The following KIAA1217 variants were observed in gnomAD, a reference collection of about 807,000 sequenced individuals.
The protein encoded by KIAA1217 is KIAA1217.
Under a neutral mutation model 163.9 loss-of-function variants are expected in KIAA1217, and 88 were observed. The ratio of observed to expected loss-of-function variants is 0.54; its 90% confidence interval spans 0.45 to 0.64. The LOEUF is 0.64. Among genes scored for constraint, KIAA1217 ranks in the 30% least tolerant of loss-of-function variants. The pLI, the probability that KIAA1217 is intolerant of heterozygous loss-of-function variation, is 0.00. For missense variants in KIAA1217, 2,372 were observed against 2,475.0 expected, an observed-to-expected ratio of 0.96 and a Z score of 0.88; for synonymous variants, 903 against 923.1, an observed-to-expected ratio of 0.98 and a Z score of 0.39.
intron 1 of KIAA1217, among the ~76,000 whole-genome samples, chr10:23,918,924 C>T (rs540341326): frequency 2.0e-5 from 3 of 152,216 alleles, no homozygotes; most frequent in South Asian, 2.1e-4. Context: ...GATGTCTCCC[C>T]ATACAAGGCT....
chr10:24,045,915 G>A (rs17501909), intron 2 of KIAA1217, among the ~76,000 whole-genome samples: 5,225 of 152,042 alleles, frequency 0.034, 95 homozygotes, highest in South Asian at 0.047. Context: ...TTCACCTATG[G>A]AGAATTTTTT....
At chr10:23,951,579 G>C (rs762757290) in intron 1 of KIAA1217, among the ~76,000 whole-genome samples, 2 of 152,114 alleles carry the variant, frequency 1.3e-5, no homozygotes, top group Non-Finnish European at 2.9e-5. Context: ...CTTGAGCCTG[G>C]GACGTGGAAG....
At chr10:23,778,269 G>A (rs142558971) in intron 1 of KIAA1217, among the ~76,000 whole-genome samples, 5 of 152,190 alleles carry the variant, frequency 3.3e-5, no homozygotes, top group African/African-American at 4.8e-5. Flanking sequence ...GCAGGTAGAC[G>A]CACCAGTTGC....
chr10:23,730,123 A>C (rs565055295), intron 1 of KIAA1217, among the ~76,000 whole-genome samples: 1 of 151,990 alleles, frequency 6.6e-6, no homozygotes, highest in African/African-American at 2.4e-5. Flanking sequence ...GGTTGGTCTC[A>C]ATCTCCTGAC....
chr10:24,162,212 A>C (rs1338571567), intron 2 of KIAA1217, among the ~76,000 whole-genome samples: 1 of 152,232 alleles, frequency 6.6e-6, no homozygotes, highest in Non-Finnish European at 1.5e-5. Context: ...GGGAAAGAAC[A>C]GCCTCTGGAA....
At chr10:24,508,293 A>G (rs1049736197) in intron 9 of KIAA1217, among the ~76,000 whole-genome samples, 2 of 152,302 alleles carry the variant, frequency 1.3e-5, no homozygotes, top group African/African-American at 4.8e-5. Context: ...CATGTAACAA[A>G]ATTTAGCATC....
intron 1 of KIAA1217, among the ~76,000 whole-genome samples, chr10:23,999,120 C>T (rs901865199): frequency 5.9e-5 from 9 of 152,166 alleles, no homozygotes; most frequent in Non-Finnish European, 8.8e-5. Context: ...AAAACAACTG[C>T]ATTGCCTTTT....
intron 9 of KIAA1217, among the ~76,000 whole-genome samples, chr10:24,505,884 G>C (rs188507790): frequency 6.6e-6 from 1 of 151,944 alleles, no homozygotes; most frequent in African/African-American, 2.4e-5. Flanking sequence ...ATGAGATGGC[G>C]CCTCGTGGAA....
intron 9 of KIAA1217, among the ~76,000 whole-genome samples, chr10:24,511,923 C>T (rs912118377): frequency 1.3e-5 from 2 of 152,162 alleles, no homozygotes; most frequent in Admixed American, 1.3e-4. Context: ...CTCACCGAGT[C>T]TCCATGACCA....
intron 2 of KIAA1217, among the ~76,000 whole-genome samples, chr10:24,057,080 C>CAA (rs530272653): frequency 1.4e-5 from 2 of 144,424 alleles, no homozygotes; most frequent in African/African-American, 5.1e-5. Flanking sequence ...CCCATCTCTA[C>CAA]AAAAAAAAAA....
chr10:23,944,499 A>G (rs1843927071), intron 1 of KIAA1217, among the ~76,000 whole-genome samples: 1 of 152,142 alleles, frequency 6.6e-6, no homozygotes, highest in Non-Finnish European at 1.5e-5. Context: ...TACACAAAAC[A>G]TCTAATTAAA....
chr10:24,503,560 A>C (rs939736765), intron 9 of KIAA1217, among the ~76,000 whole-genome samples: 2 of 152,210 alleles, frequency 1.3e-5, no homozygotes, highest in African/African-American at 4.8e-5. Context: ...GATAGTAGCC[A>C]CTCAGTTCCA....
At chr10:24,191,682 C>A (rs1485870848) in intron 2 of KIAA1217, among the ~76,000 whole-genome samples, 11 of 152,150 alleles carry the variant, frequency 7.2e-5, no homozygotes, top group Admixed American at 7.2e-4. Context: ...TAGTGGGTAA[C>A]AGATTTCATT....
intron 2 of KIAA1217, among the ~76,000 whole-genome samples, chr10:24,340,974 G>A (rs369507219): frequency 3.7e-4 from 56 of 152,322 alleles, no homozygotes; most frequent in Middle Eastern, 3.4e-3. Flanking sequence ...GTTATGCGCC[G>A]ATAGTTCTCC....
At chr10:24,093,127 G>C (rs988849723) in intron 2 of KIAA1217, among the ~76,000 whole-genome samples, 1 of 151,518 alleles carries the variant, frequency 6.6e-6, no homozygotes, top group African/African-American at 2.4e-5. Flanking sequence ...ACAAGTATCT[G>C]GGACTACAGG....
chr10:23,823,394 C>A (rs186060128), intron 1 of KIAA1217, among the ~76,000 whole-genome samples: 3 of 152,224 alleles, frequency 2.0e-5, no homozygotes, highest in African/African-American at 7.2e-5. Context: ...AAGTTTGAGT[C>A]CTTCTTACGC....
intron 2 of KIAA1217, among the ~76,000 whole-genome samples, chr10:24,174,741 T>A (rs1293764269): frequency 6.6e-6 from 1 of 152,174 alleles, no homozygotes; most frequent in Non-Finnish European, 1.5e-5. Flanking sequence ...TTCAATAGGT[T>A]GTGGGGGAGC....
In KIAA1217 at chr10:23,934,049, A is replaced by G. The variant is rs781053462; in HGVS notation, c.-320-73176A>G. ...AATCCCATTCCTGGATATGCACTCA[A>G]AGAACTATAAATCATTCTACTATAA... On this transcript the variant is annotated intron_variant, in intron 1 of 18. Transcript: ENST00000376462. Among the ~76,000 whole-genome samples, 175 of 152,218 alleles carry G rather than the reference A, an allele frequency of 1.1e-3. 1 individual carries two copies. The highest frequency in any genetic ancestry group is 2.0e-3 in the Non-Finnish European group (137 of 68,040).
At chr10:23,784,868 C>T (rs1835419451) in intron 1 of KIAA1217, among the ~76,000 whole-genome samples, 1 of 152,106 alleles carries the variant, frequency 6.6e-6, no homozygotes, top group Non-Finnish European at 1.5e-5. Context: ...AGTTTCTTAA[C>T]TCACAGACCT....
Sources: gnomAD v4.1 joint callset for allele counts (sites outside exome capture counted in the v4.1 genomes callset) on GRCh38, gnomAD v4.1.1 for gene constraint, MANE v1.5 for transcripts, NCBI Gene and HGNC (gene_info 2026-07-23, HGNC 2026-07-21) for gene names.